Variants in TMEM114 observed in about 807,000 individuals in gnomAD.
TMEM114 encodes transmembrane protein 114, also known as claudin-26.
A neutral mutation model predicts 6.2 loss-of-function variants in TMEM114; 6 were observed. The observed-to-expected ratio is 0.97, with a 90% CI of 0.53 to 1.91. The LOEUF is 1.91. Among genes scored for constraint, TMEM114 ranks in the 40% most tolerant of loss-of-function variants. The probability of loss-of-function intolerance (pLI) is 0.01; values close to 1 mark genes in which losing one functional copy is unlikely to be tolerated. For missense variants in TMEM114, 218 were observed against 158.3 expected (o/e 1.38, Z -2.02); for synonymous variants, 104 against 73.0 (o/e 1.42, Z -2.16).
intron 2 of TMEM114, among the ~76,000 whole-genome samples, chr16:8,556,127 C>T (rs78241137): frequency 0.034 from 5,153 of 152,322 alleles, 138 homozygotes; most frequent in Non-Finnish European, 0.05. Context: ...ATCCATCACT[C>T]ACCCAGTCCA....
chr16:8,528,710 T>C, the TMEM114 span, among the ~76,000 whole-genome samples: 1 of 152,250 alleles, frequency 6.6e-6, no homozygotes, highest in Non-Finnish European at 1.5e-5. Context: ...TAAAAATGCA[T>C]GAACTTTCTT....
rs190063340 is a variant in TMEM114, at chr16:8,564,134, T to G, written n.212+25079A>C. Among the ~76,000 whole-genome samples, 58 of 150,904 alleles carry G rather than the reference T, an allele frequency of 3.8e-4. 1 individual carries two copies. The highest frequency in any genetic ancestry group is 1.2e-3 in the African/African-American group (49 of 40,436). ...ATAAGTAAGTGAATGAGTGAGTTAG[T>G]GAATGAGTGAGTGAATGAGTTAGTG... On this transcript the variant is annotated intron_variant and non_coding_transcript_variant, in intron 2 of 2. Transcript: ENST00000623677.
chr16:8,543,388 G>C (rs1900571932), intron 2 of TMEM114, among the ~76,000 whole-genome samples: 2 of 151,914 alleles, frequency 1.3e-5, no homozygotes, highest in South Asian at 2.1e-4. Context: ...TTGTTACCTT[G>C]TCAATTTCAC....
At chr16:8,558,366 G>A (rs1023441119) in intron 2 of TMEM114, among the ~76,000 whole-genome samples, 2 of 152,200 alleles carry the variant, frequency 1.3e-5, no homozygotes, top group Non-Finnish European at 2.9e-5. Flanking sequence ...GGCTCCAGGT[G>A]CATCTTGGCT....
chr16:8,568,030 G>A (rs553250800), downstream of TMEM114, among the ~76,000 whole-genome samples: 13 of 152,326 alleles, frequency 8.5e-5, no homozygotes, highest in African/African-American at 2.9e-4. Flanking sequence ...AAGTGCAGGC[G>A]TTGGTGGAAG....
chr16:8,589,330 C>T, intron 1 of TMEM114, 37 bp from the exon 2 acceptor site: 2 of 398,792 alleles, frequency 5.0e-6, no homozygotes, highest in Middle Eastern at 6.3e-4. Flanking sequence ...TGCAGGACCC[C>T]GGAGTTCTGT....
At chr16:8,573,039 A>G (rs1901788062) in intron 2 of TMEM114, among the ~76,000 whole-genome samples, 2 of 152,234 alleles carry the variant, frequency 1.3e-5, no homozygotes, top group Admixed American at 6.5e-5. Context: ...TGTCACCACA[A>G]GGAGGAGCCT....
At chr16:8,553,327 C>A (rs541214603) in intron 2 of TMEM114, among the ~76,000 whole-genome samples, 4 of 152,136 alleles carry the variant, frequency 2.6e-5, no homozygotes, top group Non-Finnish European at 2.9e-5. Context: ...GTGTCTGTGG[C>A]CAGAGAAGTC....
At chr16:8,564,197 G>C (rs62646480) in intron 2 of TMEM114, among the ~76,000 whole-genome samples, 2 of 149,686 alleles carry the variant, frequency 1.3e-5, no homozygotes, top group Admixed American at 6.6e-5. Context: ...GCATGAATGA[G>C]TGAGTGGGTG....
chr16:8,545,998 C>T (rs1032944730), intron 2 of TMEM114, among the ~76,000 whole-genome samples: 2 of 152,030 alleles, frequency 1.3e-5, no homozygotes, highest in African/African-American at 2.4e-5. Context: ...GCCTGTAGTC[C>T]CAGCTGCCTT....
intron 2 of TMEM114, among the ~76,000 whole-genome samples, chr16:8,560,580 G>C (rs903281117): frequency 6.6e-6 from 1 of 152,130 alleles, no homozygotes; most frequent in African/African-American, 2.4e-5. Flanking sequence ...GAGGTAGCCC[G>C]GGATGTCAAA....
chr16:8,537,000 G>T (rs997622943), downstream of TMEM114, among the ~76,000 whole-genome samples: 1 of 152,092 alleles, frequency 6.6e-6, no homozygotes, highest in African/African-American at 2.4e-5. Context: ...GAGCCCAGGA[G>T]TTGGAGACCA....
intron 2 of TMEM114, among the ~76,000 whole-genome samples, chr16:8,542,599 T>C (rs1345330138): frequency 1.3e-5 from 2 of 152,168 alleles, no homozygotes; most frequent in East Asian, 1.9e-4. Flanking sequence ...TATAACGTTC[T>C]AAATATTGAT....
Position 8,569,722 on chromosome 16 carries a change from G to A in TMEM114, c.*51C>T. 1.3e-6 allele frequency: 2 copies of A among 1,505,152 alleles called. No homozygotes were observed. The highest frequency in any genetic ancestry group is 1.8e-6 in the Non-Finnish European group (2 of 1,121,736). The allele number at this position is 1,505,152 out of a possible 1,614,324, so 93.2% of individuals were successfully genotyped here. On this transcript the variant is annotated 3_prime_UTR_variant, in exon 4 of 4. Coordinates refer to ENST00000620492, the MANE Select transcript of TMEM114 (RefSeq NM_001146336.2). ...CCGCAGCCGATGGAGATCGGTCGGT[G>A]AAGCTCCGGGGCCAAGCCCCTCCCT...
intron 2 of TMEM114, among the ~76,000 whole-genome samples, chr16:8,585,882 G>C (rs533112334): frequency 1.3e-5 from 2 of 152,120 alleles, no homozygotes; most frequent in East Asian, 3.9e-4. Flanking sequence ...AGAGGTATAA[G>C]GAAATAAGGA....
intron 2 of TMEM114, among the ~76,000 whole-genome samples, chr16:8,559,798 C>T (rs1017007657): frequency 3.3e-5 from 5 of 152,086 alleles, no homozygotes; most frequent in African/African-American, 1.2e-4. Flanking sequence ...GCTGTGTGTG[C>T]GTGAAGCCCA....
intron 2 of TMEM114, among the ~76,000 whole-genome samples, chr16:8,563,696 AGTT>A (rs1901382663): frequency 6.6e-6 from 1 of 150,930 alleles, no homozygotes; most frequent in South Asian, 2.1e-4. Context: ...TGAATGAGTG[AGTT>A]AGTGAATGAG....
chr16:8,542,918 C>G (rs1263689390), intron 2 of TMEM114, among the ~76,000 whole-genome samples: 1 of 152,166 alleles, frequency 6.6e-6, no homozygotes, highest in Non-Finnish European at 1.5e-5. Flanking sequence ...CAGAATAATA[C>G]AAACTGCCGC....
At chr16:8,586,904 C>G (rs1302181589) in intron 2 of TMEM114, among the ~76,000 whole-genome samples, 1 of 152,222 alleles carries the variant, frequency 6.6e-6, no homozygotes, top group East Asian at 1.9e-4. Flanking sequence ...GTACCTCCAC[C>G]TTTCCTCAAC....
Sources: gnomAD v4.1 joint callset for allele counts (sites outside exome capture counted in the v4.1 genomes callset) on GRCh38, gnomAD v4.1.1 for gene constraint, MANE v1.5 for transcripts, NCBI Gene and HGNC (gene_info 2026-07-23, HGNC 2026-07-21) for gene names.